KDM4C: variants seen among roughly 807,000 people sequenced by gnomAD.
KDM4C encodes lysine-specific demethylase 4C.
In KDM4C, 81 loss-of-function variants were observed where a neutral mutation model predicts 129.3. The observed-to-expected ratio is 0.63, with a 90% CI of 0.52 to 0.75. The LOEUF (loss-of-function observed/expected upper bound fraction) is 0.75. Among genes scored for constraint, KDM4C ranks in the 30% least tolerant of loss-of-function variants. The pLI is 0.00. For synonymous variants in KDM4C, 573 were observed against 456.1 expected, an observed-to-expected ratio of 1.26 and a Z score of -3.26; for missense variants, 1,457 against 1,304.0, an observed-to-expected ratio of 1.12 and a Z score of -1.81.
Position 6,986,624 on chromosome 9 carries a change from A to G in KDM4C, c.1635A>G (p.Pro545=). ...ATGGCCTTGAACCTGGGGAAATCCC[A>G]GCGGTCCCCAGTGGAGAGAGAAATA... is the stretch of plus-strand genomic sequence containing the variant. ...HGNGLEPGEI[P]AVPSGERNSF... is the part of the protein sequence containing the mutation. Residue 545 remains proline, a synonymous_variant, in exon 11 of 22, where the codon CCA becomes CCG. Transcript: ENST00000381309. The G allele has an allele frequency of 6.2e-7, 1 of 1,613,724 alleles. No individual in the cohort carries two copies. Among genetic ancestry groups the G allele is most frequent in the Non-Finnish European group, 8.5e-7 (1 of 1,179,640 alleles).
At chr9:7,130,207 A>T (rs1171761510) in intron 19 of KDM4C, among the ~76,000 whole-genome samples, 3 of 152,216 alleles carry the variant, frequency 2.0e-5, no homozygotes, top group African/African-American at 7.2e-5. Context: ...TGGTGGTGGG[A>T]TGAAAGACTT....
At chr9:7,061,048 C>T (rs1054944028) in intron 17 of KDM4C, among the ~76,000 whole-genome samples, 1 of 152,096 alleles carries the variant, frequency 6.6e-6, no homozygotes, top group African/African-American at 2.4e-5. Context: ...AAATAATATG[C>T]CTGTATTTAC....
At chr9:6,828,426 T>G (rs1834242608) in intron 4 of KDM4C, among the ~76,000 whole-genome samples, 1 of 151,896 alleles carries the variant, frequency 6.6e-6, no homozygotes, top group South Asian at 2.1e-4. Flanking sequence ...GGATTACAGG[T>G]GTGAGCCACC....
At chr9:6,843,544 T>C (rs904834702) in intron 4 of KDM4C, among the ~76,000 whole-genome samples, 1 of 152,196 alleles carries the variant, frequency 6.6e-6, no homozygotes, top group African/African-American at 2.4e-5. Context: ...TGTGGTCCTT[T>C]CAAGGTAGCC....
At chr9:6,951,863 T>A (rs1459738836) in intron 8 of KDM4C, among the ~76,000 whole-genome samples, 1 of 152,238 alleles carries the variant, frequency 6.6e-6, no homozygotes, top group Admixed American at 6.5e-5. Flanking sequence ...AGCAATATTA[T>A]TTAAATGACA....
chr9:7,104,554 T>C (rs1015495290), intron 18 of KDM4C, among the ~76,000 whole-genome samples: 1 of 152,340 alleles, frequency 6.6e-6, no homozygotes, highest in Admixed American at 6.5e-5. Flanking sequence ...CATATTTCTG[T>C]TGACCTGTCC....
At chr9:7,100,602 A>G (rs915430484) in intron 17 of KDM4C, among the ~76,000 whole-genome samples, 14 of 152,126 alleles carry the variant, frequency 9.2e-5, no homozygotes, top group Non-Finnish European at 2.1e-4. Flanking sequence ...AGCCTCCCAA[A>G]GTACTGGGAT....
chr9:6,787,891 G>A (rs1187274047), intron 1 of KDM4C, among the ~76,000 whole-genome samples: 1 of 152,166 alleles, frequency 6.6e-6, no homozygotes, highest in Non-Finnish European at 1.5e-5. Context: ...AGAGGGGGAG[G>A]AACCCCAGGA....
At chr9:6,964,700 T>G (rs1331166607) in intron 8 of KDM4C, among the ~76,000 whole-genome samples, 4 of 145,590 alleles carry the variant, frequency 2.7e-5, no homozygotes, top group Non-Finnish European at 4.4e-5. Flanking sequence ...GAGAATGGCG[T>G]GAACCCGGGA....
At chr9:6,938,152 T>G (rs2131367186) in intron 8 of KDM4C, among the ~76,000 whole-genome samples, 1 of 152,280 alleles carries the variant, frequency 6.6e-6, no homozygotes, top group African/African-American at 2.4e-5. Context: ...TGCACTGCCC[T>G]CCTCCAGCCA....
intron 13 of KDM4C, among the ~76,000 whole-genome samples, chr9:7,012,521 G>C (rs1023892692): frequency 1.7e-4 from 26 of 152,022 alleles, no homozygotes; most frequent in Non-Finnish European, 3.2e-4. Context: ...AGAAATGTCA[G>C]CCCTAGGTCC....
chr9:6,830,325 A>G (rs1326853659), intron 4 of KDM4C, among the ~76,000 whole-genome samples: 1 of 152,108 alleles, frequency 6.6e-6, no homozygotes, highest in Non-Finnish European at 1.5e-5. Flanking sequence ...CACTTGCCCA[A>G]GGGTAGAGAG....
chr9:7,069,091 A>T (rs1832849062), intron 17 of KDM4C, among the ~76,000 whole-genome samples: 1 of 152,036 alleles, frequency 6.6e-6, no homozygotes, highest in South Asian at 2.1e-4. Context: ...GTAGCTTTTA[A>T]CATTGTTCTG....
At chr9:6,748,205 TAAA>T (rs1046886417) in intron 1 of KDM4C, among the ~76,000 whole-genome samples, 5 of 146,412 alleles carry the variant, frequency 3.4e-5, no homozygotes, top group African/African-American at 1.3e-4. Context: ...CAACAACAAT[TAAA>T]AAAAAACAAC....
At chr9:6,770,866 C>G (rs1027445708) in intron 1 of KDM4C, among the ~76,000 whole-genome samples, 5 of 149,652 alleles carry the variant, frequency 3.3e-5, no homozygotes, top group African/African-American at 1.2e-4. Flanking sequence ...ACCTCTGCCT[C>G]CCCGGTTCAA....
intron 17 of KDM4C, among the ~76,000 whole-genome samples, chr9:7,094,990 A>T (rs531102979): frequency 3.9e-4 from 59 of 152,330 alleles, no homozygotes; most frequent in African/African-American, 1.4e-3. Flanking sequence ...TTGTGTAGTT[A>T]TCAAAGGAAA....
At chr9:6,966,373 G>A (rs1283724630) in intron 8 of KDM4C, among the ~76,000 whole-genome samples, 1 of 151,998 alleles carries the variant, frequency 6.6e-6, no homozygotes, top group Non-Finnish European at 1.5e-5. Context: ...TAGTAGAGAC[G>A]GGGTTTCACT....
intron 19 of KDM4C, among the ~76,000 whole-genome samples, chr9:7,145,387 G>A (rs920005895): frequency 2.1e-4 from 32 of 152,138 alleles, no homozygotes; most frequent in African/African-American, 7.7e-4. Flanking sequence ...GTTCTGAGTC[G>A]CTGTGTCTCA....
intron 17 of KDM4C, among the ~76,000 whole-genome samples, chr9:7,074,104 A>G (rs1239737439): frequency 6.6e-6 from 1 of 152,186 alleles, no homozygotes; most frequent in East Asian, 1.9e-4. Flanking sequence ...TTTATAGAGA[A>G]AAAGGATGTC....
Sources: allele counts gnomAD v4.1 joint callset (sites outside exome capture counted in the v4.1 genomes callset), GRCh38; gene constraint gnomAD v4.1.1; transcripts MANE v1.5; gene names NCBI Gene and HGNC (gene_info 2026-07-23, HGNC 2026-07-21).